Variants in PPP4R3A observed in about 807,000 individuals in gnomAD.
The protein encoded by PPP4R3A is protein phosphatase 4 regulatory subunit 3A, also known as serine/threonine-protein phosphatase 4 regulatory subunit 3A.
In PPP4R3A, 15 loss-of-function variants were observed where a neutral mutation model predicts 91.7. The observed-to-expected ratio is 0.16, with a 90% CI of 0.11 to 0.25. The LOEUF (loss-of-function observed/expected upper bound fraction) is 0.25, where lower values mean the gene tolerates loss of function less well. Among genes scored for constraint, PPP4R3A ranks in the 10% least tolerant of loss-of-function variants. The pLI is 1.00. For missense variants in PPP4R3A, 623 were observed against 998.4 expected (o/e 0.62, Z 5.07); for synonymous variants, 377 against 348.7 (o/e 1.08, Z -0.91).
intron 9 of PPP4R3A, among the ~76,000 whole-genome samples, chr14:91,471,919 G>T (rs747462713): frequency 3.9e-5 from 6 of 151,920 alleles, no homozygotes; most frequent in Admixed American, 6.6e-5. Context: ...ATAAAAATTA[G>T]CCAGGCATGG....
At chr14:91,494,682 G>T (rs1306999446) in intron 1 of PPP4R3A, among the ~76,000 whole-genome samples, 1 of 152,118 alleles carries the variant, frequency 6.6e-6, no homozygotes, top group Non-Finnish European at 1.5e-5. Context: ...GGCCAAAATG[G>T]TGAAACCCCA....
chr14:91,473,092 C>T lies in PPP4R3A; in HGVS notation c.1442G>A (p.Cys481Tyr). Residue 481 changes from cysteine (C) to tyrosine (Y), a missense_variant, in exon 9 of 15, where the codon TGT becomes TAT. By Grantham distance (194) the Cys-to-Tyr change is radical (BLOSUM62 -2). Around this residue, in one of 5 missense-constraint regions of PPP4R3A, gnomAD observed 87 missense variants for 233.9 expected, o/e 0.37. Coordinates refer to ENST00000554943, the MANE Select transcript of PPP4R3A (RefSeq NM_001366432.2). Reference protein sequence around the residue: ...TEFLGFFYKHCMHVLTAPLLA... With the variant: ...TEFLGFFYKHYMHVLTAPLLA... ...TAAAGGAGCAGTGAGAACATGCATA[C>T]AGTGCTTGTAGAAGAAACCCAGAAA... The T allele has an allele frequency of 1.2e-6, 2 of 1,614,162 alleles. No individual in the cohort carries two copies. The highest frequency in any genetic ancestry group is 1.7e-6 in the Non-Finnish European group (2 of 1,180,022).
In PPP4R3A at chr14:91,484,568, A is replaced by G. The variant is rs546650065; in HGVS notation, c.297+1064T>C. On this transcript the variant is annotated intron_variant, in intron 3 of 14. Coordinates refer to ENST00000554943, the MANE Select transcript of PPP4R3A (RefSeq NM_001366432.2). ...ATTTACTATCTTGTTTTTTACAGAGAAAAGTCTGGCCTATAGGGCTTGTGA... is the reference window on the plus strand; with the variant it reads ...ATTTACTATCTTGTTTTTTACAGAGGAAAGTCTGGCCTATAGGGCTTGTGA... Among the ~76,000 whole-genome samples, 59 of 152,326 alleles carry G rather than the reference A, an allele frequency of 3.9e-4. No homozygotes were observed. The South Asian group carries it at 0.012, about 30-fold the overall frequency.
At chr14:91,508,284 C>T (rs1891538534) in intron 1 of PPP4R3A, among the ~76,000 whole-genome samples, 1 of 152,140 alleles carries the variant, frequency 6.6e-6, no homozygotes, top group Non-Finnish European at 1.5e-5. Flanking sequence ...CTCCAGATTA[C>T]CACTTTCAAT....
In PPP4R3A at chr14:91,509,600, G is replaced by A. The variant is rs140146831; in HGVS notation, c.48C>T (p.Asp16=). ...RRVKVYTLNE[D]RQWDDRGTGH... ...CGGTGCCCCGGTCGTCCCACTGCCGGTCCTCGTTGAGCGTGTACACCTTCA... is the reference window on the plus strand; with the variant it reads ...CGGTGCCCCGGTCGTCCCACTGCCGATCCTCGTTGAGCGTGTACACCTTCA... The change falls in exon 1 of 15, where the codon GAC becomes GAT. Residue 16 remains aspartate (D), a synonymous_variant. Transcript: ENST00000554943. 1,635 of 1,603,252 alleles carry A rather than the reference G, an allele frequency of 1.0e-3. 11 individuals carry two copies. In the African/African-American group the frequency reaches 0.019, roughly 19 times the overall value.
At chr14:91,476,250 A>G (rs1416287831) in intron 6 of PPP4R3A, among the ~76,000 whole-genome samples, 158 bp downstream of exon 6, 1 of 152,266 alleles carries the variant, frequency 6.6e-6, no homozygotes, top group Non-Finnish European at 1.5e-5. Flanking sequence ...TACTGTGTGA[A>G]AACTGTCTAA....
chr14:91,507,504 T>TACTATAATTATATATACTA lies in PPP4R3A; in HGVS notation c.142+2001_142+2002insTAGTATATATAATTATAGT, dbSNP rs1449152989. Among the ~76,000 whole-genome samples the TACTATAATTATATATACTA allele has an allele frequency of 1.5e-4, 18 of 122,914 alleles. 1 individual carries two copies. The highest frequency in any genetic ancestry group is 5.7e-4 in the African/African-American group (18 of 31,626). 80.6% of individuals were successfully genotyped at this position (122,914 alleles called of 152,430 possible). ...AGTTATATATACTATATAGAATATA[T>TACTATAATTATATATACTA]GCTATAATTATATATACTATAGTTA... On this transcript the variant is annotated intron_variant, in intron 1 of 14. Transcript: ENST00000554943.
intron 1 of PPP4R3A, among the ~76,000 whole-genome samples, chr14:91,495,356 C>T (rs974839367): frequency 1.5e-4 from 14 of 95,250 alleles, no homozygotes; most frequent in African/African-American, 5.4e-4. Flanking sequence ...TCTCTGTCGC[C>T]CAGGCTGGAG....
At chr14:91,472,824 A>ACCAACCAAC (rs142250966) in intron 9 of PPP4R3A, among the ~76,000 whole-genome samples, 26 of 150,518 alleles carry the variant, frequency 1.7e-4, no homozygotes, top group Middle Eastern at 6.8e-3. Flanking sequence ...TTTGATAAAA[A>ACCAACCAAC]CAACCAACCA....
In PPP4R3A at chr14:91,458,819, A is replaced by C. The variant is rs753823528; in HGVS notation, c.2442T>G (p.Asp814Glu). The C allele has an allele frequency of 6.2e-7, 1 of 1,611,932 alleles. No homozygotes were observed. Among genetic ancestry groups the C allele is most frequent in the Admixed American group, 1.7e-5 (1 of 59,994 alleles). The stretch of plus-strand genomic sequence containing the variant: ...ACGTATCTTCCTTATCTTCATCCTC[A>C]TCATCATCTTCATCATCATCAGGAT... Reference protein sequence around the residue: ...VDYPDDDEDDDEDEDKEDTLP... With the variant: ...VDYPDDDEDDEEDEDKEDTLP... The change falls in exon 15 of 15, where the codon GAT becomes GAG. Residue 814 changes from aspartate (D) to glutamate (E), a missense_variant. Physicochemically the swap from Asp to Glu is conservative, Grantham distance 45. Around this residue, in one of 5 missense-constraint regions of PPP4R3A, gnomAD observed 201 missense variants for 229.9 expected, o/e 0.87. Transcript: ENST00000554943.
At chr14:91,506,669 G>C (rs779207958) in intron 1 of PPP4R3A, among the ~76,000 whole-genome samples, 20 of 152,120 alleles carry the variant, frequency 1.3e-4, no homozygotes, top group Non-Finnish European at 2.4e-4. Flanking sequence ...TCCCACCTCA[G>C]CCTCCAGAGC....
chr14:91,478,545 A>G (rs1889349162), intron 4 of PPP4R3A, among the ~76,000 whole-genome samples: 1 of 152,268 alleles, frequency 6.6e-6, no homozygotes, highest in African/African-American at 2.4e-5. Flanking sequence ...GGCAGCCAGT[A>G]TTTTACAAAG....
In PPP4R3A at chr14:91,482,183, T is replaced by C; in HGVS notation, c.308A>G (p.Lys103Arg). ...CTGAGTGATGTCCACGGAAGGGTCC[T>C]TTCCTTGAACCTATGAAAAAAAATT... ...IWEKICQVQG[K>R]DPSVDITQDL... Residue 103 changes from lysine to arginine, a missense_variant, in exon 4 of 15, where the codon AAG (lysine) becomes AGG (arginine). Lys to Arg is a conservative substitution (Grantham distance 26). This residue lies in a region of PPP4R3A where 20 missense variants were observed against 75.6 expected (regional missense o/e 0.26). Transcript: ENST00000554943. The C allele has an allele frequency of 4.4e-6, 7 of 1,595,126 alleles. No individual in the cohort carries two copies. Among genetic ancestry groups the C allele is most frequent in the Non-Finnish European group, 6.0e-6 (7 of 1,172,712 alleles).
intron 1 of PPP4R3A, among the ~76,000 whole-genome samples, chr14:91,496,227 GTGC>G (rs963120753): frequency 6.6e-5 from 10 of 152,284 alleles, no homozygotes; most frequent in South Asian, 2.1e-4. Flanking sequence ...TTTCAATGGT[GTGC>G]TGGTTATTTT....
intron 3 of PPP4R3A, among the ~76,000 whole-genome samples, chr14:91,482,605 G>C (rs1413896085): frequency 6.6e-6 from 1 of 152,128 alleles, no homozygotes; most frequent in Non-Finnish European, 1.5e-5. Context: ...TGTGCTAAAG[G>C]ACACTGCCAC....
At chr14:91,506,382 G>C (rs1278197587) in intron 1 of PPP4R3A, among the ~76,000 whole-genome samples, 2 of 152,200 alleles carry the variant, frequency 1.3e-5, no homozygotes, top group African/African-American at 2.4e-5. Context: ...ACTGTTGTAA[G>C]AATTACGTAA....
rs1162314732 is a variant in PPP4R3A at position 91,481,500 on chromosome 14, A to G, written c.915+76T>C. 4 of 1,406,442 alleles carry G rather than the reference A, an allele frequency of 2.8e-6. No homozygotes were observed. In the East Asian group the frequency reaches 1.0e-4, roughly 35 times the overall value. The allele number at this position is 1,406,442 out of a possible 1,614,324, so 87.1% of individuals were successfully genotyped here. Reference sequence around the variant, plus strand: ...TTATACATTAACAAAATTAAAACTCAATGTATGTATTTAAAAGGAGCAAAT... The same window carrying G: ...TTATACATTAACAAAATTAAAACTCGATGTATGTATTTAAAAGGAGCAAAT... On this transcript the variant is annotated intron_variant, in intron 4 of 14. Transcript: ENST00000554943.
chr14:91,482,961 A>C (rs1012228039), intron 3 of PPP4R3A, among the ~76,000 whole-genome samples: 8 of 152,216 alleles, frequency 5.3e-5, no homozygotes, highest in African/African-American at 1.9e-4. Context: ...TAACCAAACC[A>C]CGAAAATATT....
At chr14:91,484,972 G>T (rs1177979989) in intron 3 of PPP4R3A, among the ~76,000 whole-genome samples, 1 of 152,166 alleles carries the variant, frequency 6.6e-6, no homozygotes, top group African/African-American at 2.4e-5. Flanking sequence ...CTAGAGGCAC[G>T]GTAAGGCTGA....
Sources: allele counts gnomAD v4.1 joint callset (sites outside exome capture counted in the v4.1 genomes callset), GRCh38; gene constraint gnomAD v4.1.1; regional missense constraint gnomAD v4.1.1; transcripts MANE v1.5; gene names NCBI Gene and HGNC (gene_info 2026-07-23, HGNC 2026-07-21).